Variants in PTPRM observed in about 807,000 individuals in gnomAD.
PTPRM encodes the protein protein tyrosine phosphatase receptor type M.
In PTPRM, 47 loss-of-function variants were observed where a neutral mutation model predicts 186.7. The observed-to-expected ratio is 0.25, with a 90% CI of 0.20 to 0.32. The LOEUF is 0.32. Among genes scored for constraint, PTPRM ranks in the 10% least tolerant of loss-of-function variants. PTPRM has a pLI of 1.00. For missense variants in PTPRM, 1,494 were observed against 1,865.0 expected (o/e 0.80, Z 3.66); for synonymous variants, 668 against 674.9 (o/e 0.99, Z 0.16).
At position 7,911,846 on chromosome 18, in the gene PTPRM, A is replaced by ATTTTTTTTTTTTTTTT. The variant is rs57590269; in HGVS notation, c.547+5272_547+5287dup. On this transcript the variant is annotated intron_variant, in intron 4 of 32. Transcript: ENST00000580170. ...TTTTTTCCAGAGTTTTATGGTTTCA[A>ATTTTTTTTTTTTTTTT]TTTTTTTTTTTTTTTTTTTTTTTTG... 2.2e-4 allele frequency among the ~76,000 whole-genome samples: 18 copies of ATTTTTTTTTTTTTTTT among 80,676 alleles called. 1 individual carries two copies. The highest frequency in any genetic ancestry group is 1.0e-3 in the East Asian group (2 of 1,990). 52.9% of individuals were successfully genotyped at this position (80,676 alleles called of 152,430 possible).
chr18:7,863,566 A>G (rs2047508950), intron 2 of PTPRM, among the ~76,000 whole-genome samples: 1 of 152,136 alleles, frequency 6.6e-6, no homozygotes, highest in Admixed American at 6.5e-5. Context: ...TTCATGGTGC[A>G]TATGTGTCAC....
chr18:7,820,304 G>A (rs1166608087), intron 2 of PTPRM, among the ~76,000 whole-genome samples: 1 of 152,132 alleles, frequency 6.6e-6, no homozygotes, highest in Non-Finnish European at 1.5e-5. Flanking sequence ...GATTGGTGAG[G>A]GCCTGCTCTG....
chr18:8,019,821 T>C (rs1226705882), intron 7 of PTPRM, among the ~76,000 whole-genome samples: 1 of 148,014 alleles, frequency 6.8e-6, no homozygotes, highest in Non-Finnish European at 1.5e-5. Flanking sequence ...TAATATTTAT[T>C]TATAATATAC....
chr18:7,800,149 C>T (rs2145337486), intron 2 of PTPRM, among the ~76,000 whole-genome samples: 1 of 152,312 alleles, frequency 6.6e-6, no homozygotes, highest in South Asian at 2.1e-4. Context: ...ACATTGGAAA[C>T]ATTAAATCCC....
chr18:7,977,236 C>T (rs11664885), intron 7 of PTPRM, among the ~76,000 whole-genome samples: 14,421 of 152,042 alleles, frequency 0.095, 753 homozygotes, highest in South Asian at 0.17. Context: ...ATTACAGGCA[C>T]CTGCCACCAC....
chr18:7,745,016 C>A (rs2040956345), intron 1 of PTPRM, among the ~76,000 whole-genome samples: 1 of 152,010 alleles, frequency 6.6e-6, no homozygotes, highest in African/African-American at 2.4e-5. Context: ...AGAAAATCAC[C>A]TCTAACTTTT....
At chr18:8,382,767 A>G (rs2095745184) in intron 29 of PTPRM, among the ~76,000 whole-genome samples, 1 of 152,158 alleles carries the variant, frequency 6.6e-6, no homozygotes, top group Non-Finnish European at 1.5e-5. Context: ...CTATCCTGCA[A>G]TCTTGGGTAT....
chr18:7,842,715 T>C (rs2046382656), intron 2 of PTPRM, among the ~76,000 whole-genome samples: 1 of 151,774 alleles, frequency 6.6e-6, no homozygotes, highest in Admixed American at 6.6e-5. Context: ...GCCTGCTTAA[T>C]TTGGACTTGC....
intron 2 of PTPRM, among the ~76,000 whole-genome samples, chr18:7,822,597 AT>A (rs2045257339): frequency 6.6e-6 from 1 of 152,206 alleles, no homozygotes; most frequent in African/African-American, 2.4e-5. Context: ...GAGGAGTGTT[AT>A]CTCCAGCTTG....
chr18:7,602,601 A>ATTTTTTG (rs1406194604), intron 1 of PTPRM, among the ~76,000 whole-genome samples: 28 of 150,822 alleles, frequency 1.9e-4, no homozygotes, highest in Non-Finnish European at 2.1e-4. Flanking sequence ...CTAATATTTT[A>ATTTTTTG]TTTTTTGTAG....
At chr18:7,654,657 C>A (rs1352683724) in intron 1 of PTPRM, among the ~76,000 whole-genome samples, 3 of 152,174 alleles carry the variant, frequency 2.0e-5, no homozygotes, top group African/African-American at 7.2e-5. Context: ...AAGTTTCAAT[C>A]TTCTGCATAT....
intron 7 of PTPRM, among the ~76,000 whole-genome samples, chr18:7,980,569 G>T (rs886962972): frequency 3.3e-5 from 5 of 151,602 alleles, no homozygotes; most frequent in African/African-American, 1.2e-4. Context: ...ATTTTTGTAG[G>T]GACTGGGCCT....
At chr18:8,128,544 G>A (rs976041416) in intron 13 of PTPRM, among the ~76,000 whole-genome samples, 1 of 152,114 alleles carries the variant, frequency 6.6e-6, no homozygotes, top group Non-Finnish European at 1.5e-5. Flanking sequence ...ATGGGCTATA[G>A]TGTCACTGTT....
At chr18:7,975,684 C>T (rs371213170) in intron 7 of PTPRM, among the ~76,000 whole-genome samples, 25 of 152,118 alleles carry the variant, frequency 1.6e-4, no homozygotes, top group Non-Finnish European at 3.2e-4. Context: ...TTTAAATATA[C>T]AAATACTCTC....
At chr18:7,990,932 A>G (rs2083236186) in intron 7 of PTPRM, among the ~76,000 whole-genome samples, 1 of 152,146 alleles carries the variant, frequency 6.6e-6, no homozygotes, top group East Asian at 1.9e-4. Context: ...AATGATTGCT[A>G]TAGCTAATGG....
chr18:7,821,163 G>A (rs143897586), intron 2 of PTPRM, among the ~76,000 whole-genome samples: 1 of 152,250 alleles, frequency 6.6e-6, no homozygotes, highest in East Asian at 1.9e-4. Flanking sequence ...ACGTTGTTCT[G>A]GCTCTATGGC....
intron 5 of PTPRM, among the ~76,000 whole-genome samples, chr18:7,936,205 T>C (rs1285895395): frequency 6.6e-6 from 1 of 152,102 alleles, no homozygotes; most frequent in Admixed American, 6.5e-5. Flanking sequence ...CAGCCATGGC[T>C]GCAGACCCAG....
At chr18:7,880,143 C>T (rs780921768) in intron 2 of PTPRM, among the ~76,000 whole-genome samples, 5 of 152,122 alleles carry the variant, frequency 3.3e-5, no homozygotes, top group Admixed American at 6.5e-5. Context: ...CCACTGGGAC[C>T]CTCCCACGAC....
At chr18:7,781,624 C>T (rs1158554932) in intron 2 of PTPRM, among the ~76,000 whole-genome samples, 1 of 152,104 alleles carries the variant, frequency 6.6e-6, no homozygotes, top group Non-Finnish European at 1.5e-5. Flanking sequence ...CCCAAGCAGT[C>T]CCCATTGTCT....
Sources: gnomAD v4.1 joint callset for allele counts (sites outside exome capture counted in the v4.1 genomes callset) on GRCh38, gnomAD v4.1.1 for gene constraint, MANE v1.5 for transcripts, NCBI Gene and HGNC (gene_info 2026-07-23, HGNC 2026-07-21) for gene names.